Variants in ANKRD33B observed in about 807,000 individuals in gnomAD.
The protein encoded by ANKRD33B is ankyrin repeat domain 33B.
In ANKRD33B, 6 loss-of-function variants were observed where a neutral mutation model predicts 21.5. That is an observed-to-expected ratio of 0.28 (90% confidence interval 0.15 to 0.55). The LOEUF is 0.55. Ranked by LOEUF, ANKRD33B falls within the 20% of genes least tolerant of loss-of-function variation. The pLI is 0.94. For synonymous variants in ANKRD33B, 347 were observed against 342.4 expected (o/e 1.01, Z -0.15); for missense variants, 698 against 747.2 (o/e 0.93, Z 0.77).
At chr5:10,635,793 C>G (rs1178739241) in intron 2 of ANKRD33B, among the ~76,000 whole-genome samples, 1 of 152,236 alleles carries the variant, frequency 6.6e-6, no homozygotes, top group Admixed American at 6.5e-5. Context: ...GCAGTACTAT[C>G]CCTCAGGGTG....
chr5:10,585,996 A>C (rs1240347051), intron 1 of ANKRD33B, among the ~76,000 whole-genome samples: 1 of 152,334 alleles, frequency 6.6e-6, no homozygotes, highest in East Asian at 1.9e-4. Flanking sequence ...GGGCTCTATC[A>C]TCAAGGACCC....
In ANKRD33B at chr5:10,618,438, G is replaced by C. The variant is rs900655643; in HGVS notation, c.472G>C (p.Ala158Pro). The part of the protein sequence containing the change: ...VNWQDSEGNT[A>P]LITAAQAGHA... ...CTGGCAGGACAGCGAGGGGAACACAGCCCTAATCACAGCTGCACAGGCAGG... is the reference window on the plus strand; with the variant it reads ...CTGGCAGGACAGCGAGGGGAACACACCCCTAATCACAGCTGCACAGGCAGG... The change falls in exon 2 of 4, where the codon GCC becomes CCC. Residue 158 changes from alanine to proline, a missense_variant. Physicochemically the swap from Ala to Pro is conservative, Grantham distance 27 (BLOSUM62 -1). Transcript: ENST00000296657. 8 of 1,536,678 alleles carry C rather than the reference G, an allele frequency of 5.2e-6. No homozygotes were observed. The highest frequency in any genetic ancestry group is 3.3e-4 in the Middle Eastern group (2 of 5,982).
In ANKRD33B at chr5:10,650,016, C is replaced by T; in HGVS notation, c.1388C>T (p.Ala463Val). Residue 463 changes from alanine to valine, a missense_variant, in exon 4 of 4, where the codon GCC becomes GTC. Physicochemically the swap from Ala to Val is moderately conservative, Grantham distance 64. Transcript: ENST00000296657. ...ATCCCCAAGTGGCGGTACAAGGAGG[C>T]CAAGGAGGAGAAGAGGAAGGCAGAG... is the stretch of plus-strand genomic sequence containing the variant. Reference protein sequence around the residue: ...LQIPKWRYKEAKEEKRKAEEA... With the variant: ...LQIPKWRYKEVKEEKRKAEEA... 6.5e-7 allele frequency: 1 copy of T among 1,533,396 alleles called. No individual in the cohort carries two copies. Among genetic ancestry groups the T allele is most frequent in the Non-Finnish European group, 8.7e-7 (1 of 1,144,710 alleles). The allele number at this position is 1,533,396 out of a possible 1,614,324, so 95.0% of individuals were successfully genotyped here.
At chr5:10,646,739 G>T (rs918614945) in intron 3 of ANKRD33B, among the ~76,000 whole-genome samples, 1 of 152,158 alleles carries the variant, frequency 6.6e-6, no homozygotes, top group Non-Finnish European at 1.5e-5. Context: ...TTTATAAATT[G>T]TACTCTAGCT....
intron 2 of ANKRD33B, among the ~76,000 whole-genome samples, chr5:10,618,888 T>A (rs1455306158): frequency 1.3e-5 from 2 of 151,938 alleles, no homozygotes; most frequent in Non-Finnish European, 2.9e-5. Flanking sequence ...ACCTGTAGAG[T>A]TAAAGAAACG....
intron 1 of ANKRD33B, among the ~76,000 whole-genome samples, chr5:10,570,178 C>T (rs1442535810): frequency 6.6e-6 from 1 of 152,102 alleles, no homozygotes; most frequent in Non-Finnish European, 1.5e-5. Flanking sequence ...CACCCAGCCC[C>T]CATGTGTTTT....
At chr5:10,622,925 A>G (rs1176388070) in intron 2 of ANKRD33B, among the ~76,000 whole-genome samples, 1 of 152,056 alleles carries the variant, frequency 6.6e-6, no homozygotes, top group East Asian at 1.9e-4. Context: ...CTCTCTGGCA[A>G]AGGAAGAAGG....
intron 1 of ANKRD33B, among the ~76,000 whole-genome samples, chr5:10,568,043 C>G (rs1458321190): frequency 6.6e-6 from 1 of 152,140 alleles, no homozygotes; most frequent in Admixed American, 6.5e-5. Flanking sequence ...GACAGGCATT[C>G]CATTTGGTCT....
At chr5:10,585,643 G>A (rs1034477603) in intron 1 of ANKRD33B, among the ~76,000 whole-genome samples, 1 of 152,216 alleles carries the variant, frequency 6.6e-6, no homozygotes, top group Non-Finnish European at 1.5e-5. Flanking sequence ...TGGCTAACAG[G>A]TGTGCTGGAG....
In ANKRD33B at chr5:10,649,437, C is replaced by G. The variant is rs545135211; in HGVS notation, c.809C>G (p.Ala270Gly). ...GAGCTGCCGCCGCCCCCTGAAGCGG[C>G]GCGGAAGCCCGCGGGCTCCAAGAAC... is the stretch of plus-strand genomic sequence containing the variant. Reference protein sequence around the residue: ...RPELPPPPEAARKPAGSKNCL... With the variant: ...RPELPPPPEAGRKPAGSKNCL... The change falls in exon 4 of 4, where the codon GCG (alanine) becomes GGG (glycine). Residue 270 changes from alanine (A) to glycine (G), a missense_variant. Ala to Gly is a moderately conservative substitution (Grantham distance 60, BLOSUM62 0). This residue lies in a region of ANKRD33B where 543 missense variants were observed against 566.5 expected (regional missense o/e 0.96). Coordinates refer to ENST00000296657, the MANE Select transcript of ANKRD33B (RefSeq NM_001164440.2). 1 of 1,535,254 alleles carries G rather than the reference C, an allele frequency of 6.5e-7. No homozygotes were observed. Among genetic ancestry groups the G allele is most frequent in the South Asian group, 1.2e-5 (1 of 84,012 alleles).
rs1228265943 is a variant in ANKRD33B at position 10,649,532 on chromosome 5, G to C, written c.904G>C (p.Gly302Arg). The C allele has an allele frequency of 1.3e-6, 2 of 1,532,804 alleles. No homozygotes were observed. Among genetic ancestry groups the C allele is most frequent in the Non-Finnish European group, 8.7e-7 (1 of 1,145,344 alleles). 95.0% of individuals were successfully genotyped at this position (1,532,804 alleles called of 1,614,324 possible). A position where few individuals can be genotyped will look rare whatever the true frequency, so the allele number is the denominator to read the frequency against. ...GCGCTCCGTGCGGGGCCCGGAGGAC[G>C]GGGGCGTCCTGGACCACATGGTCCG... ...TPRSVRGPED[G>R]GVLDHMVRMT... The change falls in exon 4 of 4, where the codon GGG becomes CGG. Residue 302 changes from glycine (G) to arginine (R), a missense_variant. Gly to Arg is a moderately radical substitution (Grantham distance 125). Transcript: ENST00000296657.
Position 10,619,449 on chromosome 5 carries a change from C to T in ANKRD33B, c.496+987C>T. The T allele has an allele frequency of 1.1e-6, 1 of 939,222 alleles. No individual in the cohort carries two copies. The highest frequency in any genetic ancestry group is 1.3e-6 in the Non-Finnish European group (1 of 787,872). 58.2% of individuals were successfully genotyped at this position (939,222 alleles called of 1,614,324 possible). On this transcript the variant is annotated intron_variant, in intron 2 of 3. Coordinates refer to ENST00000296657, the MANE Select transcript of ANKRD33B (RefSeq NM_001164440.2). The surrounding 1 kb of genome is among the most constrained non-coding windows in gnomAD (Gnocchi z 4.5). Reference sequence around the variant, plus strand: ...GAGACCTCCTTGTCCCTTGTTGCTTCACAAGCTCCTGGACCAAAGCCACCC... The same window carrying T: ...GAGACCTCCTTGTCCCTTGTTGCTTTACAAGCTCCTGGACCAAAGCCACCC...
intron 1 of ANKRD33B, among the ~76,000 whole-genome samples, chr5:10,589,177 C>G (rs1297688844): frequency 1.3e-5 from 2 of 152,116 alleles, no homozygotes; most frequent in Admixed American, 1.3e-4. Context: ...CTGTGGGAAA[C>G]CCACCTAGGT....
chr5:10,644,536 A>C lies in ANKRD33B; in HGVS notation c.638-4730A>C, dbSNP rs148485725. ...CAAAAACAAGCAGCAATAACCTCAAATCTTCCTGTGATTCCAAGGCGCAAA... is the reference window on the plus strand; with the variant it reads ...CAAAAACAAGCAGCAATAACCTCAACTCTTCCTGTGATTCCAAGGCGCAAA... On this transcript the variant is annotated intron_variant, in intron 3 of 3. Coordinates refer to ENST00000296657, the MANE Select transcript of ANKRD33B (RefSeq NM_001164440.2). Among the ~76,000 whole-genome samples, 566 of 152,308 alleles carry C rather than the reference A, an allele frequency of 3.7e-3. 4 individuals carry two copies. Among genetic ancestry groups the C allele is most frequent in the African/African-American group, 0.013 (551 of 41,560 alleles).
chr5:10,649,540 C>A lies in ANKRD33B; in HGVS notation c.912C>A (p.Val304=). ...RSVRGPEDGG[V]LDHMVRMTTS... ...TGCGGGGCCCGGAGGACGGGGGCGT[C>A]CTGGACCACATGGTCCGGATGACCA... Residue 304 remains valine, a synonymous_variant, in exon 4 of 4, where the codon GTC becomes GTA. Transcript: ENST00000296657. 6.5e-7 allele frequency: 1 copy of A among 1,531,810 alleles called. No individual in the cohort carries two copies. Among genetic ancestry groups the A allele is most frequent in the Non-Finnish European group, 8.7e-7 (1 of 1,144,772 alleles). The allele number at this position is 1,531,810 out of a possible 1,614,324, so 94.9% of individuals were successfully genotyped here.
chr5:10,631,255 G>C (rs1236103569), intron 2 of ANKRD33B, among the ~76,000 whole-genome samples: 1 of 152,146 alleles, frequency 6.6e-6, no homozygotes, highest in Non-Finnish European at 1.5e-5. Flanking sequence ...TCACTGTGGG[G>C]TATTGCTTTC....
chr5:10,630,259 T>C (rs1231024535), intron 2 of ANKRD33B, among the ~76,000 whole-genome samples: 1 of 152,198 alleles, frequency 6.6e-6, no homozygotes, highest in Non-Finnish European at 1.5e-5. Context: ...GGGGACCTGT[T>C]CTTGGGCACT....
intron 2 of ANKRD33B, among the ~76,000 whole-genome samples, chr5:10,635,670 G>T (rs1255041023): frequency 6.6e-6 from 1 of 152,190 alleles, no homozygotes; most frequent in Admixed American, 6.5e-5. Flanking sequence ...CCTGATTTTG[G>T]TTGCCTGTTC....
intron 1 of ANKRD33B, among the ~76,000 whole-genome samples, chr5:10,578,507 G>A (rs540905762): frequency 1.3e-5 from 2 of 152,142 alleles, no homozygotes; most frequent in Admixed American, 6.5e-5. Context: ...GGCAGGACCC[G>A]CATGGGGACA....
Sources: allele counts gnomAD v4.1 joint callset (sites outside exome capture counted in the v4.1 genomes callset), GRCh38; gene constraint gnomAD v4.1.1; regional missense constraint gnomAD v4.1.1; non-coding constraint Gnocchi (gnomAD v3.1); transcripts MANE v1.5; gene names NCBI Gene and HGNC (gene_info 2026-07-23, HGNC 2026-07-21).